GSG1L: variants seen among roughly 807,000 people sequenced by gnomAD.
GSG1L encodes the protein GSG1 like.
GSG1L carries 24 observed loss-of-function variants against 42.1 expected under a neutral mutation model. The ratio of observed to expected loss-of-function variants is 0.57; its 90% CI spans 0.41 to 0.80. GSG1L has a LOEUF of 0.80. Among genes scored for constraint, GSG1L ranks in the 30% least tolerant of loss-of-function variants. GSG1L has a pLI of 0.00. For synonymous variants in GSG1L, 215 were observed against 203.5 expected, an observed-to-expected ratio of 1.06 and a Z score of -0.48; for missense variants, 445 against 472.2, an observed-to-expected ratio of 0.94 and a Z score of 0.53.
intron 1 of GSG1L, among the ~76,000 whole-genome samples, chr16:27,985,252 G>A (rs118144310): frequency 1.3e-5 from 2 of 152,264 alleles, no homozygotes; most frequent in Non-Finnish European, 2.9e-5. Flanking sequence ...GGTGGGGATT[G>A]ATGGCAGGTG....
intron 1 of GSG1L, among the ~76,000 whole-genome samples, chr16:28,042,889 G>T (rs1466059931): frequency 6.6e-6 from 1 of 152,176 alleles, no homozygotes; most frequent in African/African-American, 2.4e-5. Flanking sequence ...AGGAAGGCAG[G>T]CTAGGTGAAG....
intron 2 of GSG1L, among the ~76,000 whole-genome samples, chr16:27,955,745 G>T (rs2084994242): frequency 6.6e-6 from 1 of 152,104 alleles, no homozygotes; most frequent in Non-Finnish European, 1.5e-5. Flanking sequence ...GACTACCTGG[G>T]ATCCAGGAAG....
At position 28,019,791 on chromosome 16, in the gene GSG1L, C is replaced by G. The variant is rs1271781931; in HGVS notation, c.349+43285G>C. On this transcript the variant is annotated intron_variant, in intron 1 of 6. Coordinates refer to ENST00000447459, the MANE Select transcript of GSG1L (RefSeq NM_001109763.2). Reference sequence around the variant, plus strand: ...TAGGCCACGCTAGACCACAGTCTTGCAGACAATGACTTGCTGGCACTTCTA... The same window carrying G: ...TAGGCCACGCTAGACCACAGTCTTGGAGACAATGACTTGCTGGCACTTCTA... 2.0e-5 allele frequency among the ~76,000 whole-genome samples: 3 copies of G among 152,208 alleles called. No homozygotes were observed. The East Asian group carries it at 5.8e-4, about 29-fold the overall frequency.
rs962127482 is a variant in GSG1L at position 27,918,637 on chromosome 16, C to T, written c.398-33999G>A. Among the ~76,000 whole-genome samples, 15 of 144,442 alleles carry T rather than the reference C, an allele frequency of 1.0e-4. No individual in the cohort carries two copies. In the East Asian group the frequency reaches 2.0e-3, roughly 20 times the overall value. 94.8% of individuals were successfully genotyped at this position (144,442 alleles called of 152,430 possible). ...TCATGCCATTGCACTCCAGCCTGGG[C>T]GACAGAGCAAGACTCCATCTCAAAA... On this transcript the variant is annotated intron_variant, in intron 2 of 6. Coordinates refer to ENST00000447459, the MANE Select transcript of GSG1L (RefSeq NM_001109763.2).
At chr16:27,894,026 T>C (rs1167054879) in intron 2 of GSG1L, among the ~76,000 whole-genome samples, 1 of 152,250 alleles carries the variant, frequency 6.6e-6, no homozygotes, top group Non-Finnish European at 1.5e-5. Flanking sequence ...GTGCAGGGAT[T>C]ATGGGCATGA....
chr16:27,809,747 A>C (rs758321720), intron 5 of GSG1L, among the ~76,000 whole-genome samples: 31 of 151,668 alleles, frequency 2.0e-4, no homozygotes, highest in Non-Finnish European at 3.7e-4. Flanking sequence ...ACTTCCCCTA[A>C]ACTCTCTTCA....
intron 2 of GSG1L, among the ~76,000 whole-genome samples, chr16:27,936,962 G>A (rs1245148480): frequency 7.2e-5 from 11 of 152,194 alleles, no homozygotes; most frequent in Non-Finnish European, 1.3e-4. Flanking sequence ...CATAACAGAA[G>A]AGCTCTTTTC....
At chr16:27,848,347 C>T (rs1008624279) in intron 3 of GSG1L, among the ~76,000 whole-genome samples, 1 of 152,086 alleles carries the variant, frequency 6.6e-6, no homozygotes, top group Non-Finnish European at 1.5e-5. Context: ...TTGAGAGGTG[C>T]TTGGGGATGT....
At chr16:27,853,008 G>C (rs1596557074) in intron 3 of GSG1L, among the ~76,000 whole-genome samples, 1 of 152,154 alleles carries the variant, frequency 6.6e-6, no homozygotes, top group East Asian at 1.9e-4. Flanking sequence ...AGGGACTGGG[G>C]GAAACTAGGA....
At chr16:27,964,990 C>G (rs2085113778) in intron 1 of GSG1L, among the ~76,000 whole-genome samples, 1 of 152,080 alleles carries the variant, frequency 6.6e-6, no homozygotes, top group Non-Finnish European at 1.5e-5. Context: ...TATACACCTA[C>G]TATGTACCCA....
At chr16:27,862,619 G>A (rs1177242145) in intron 3 of GSG1L, among the ~76,000 whole-genome samples, 1 of 152,204 alleles carries the variant, frequency 6.6e-6, no homozygotes, top group East Asian at 1.9e-4. Context: ...AGGCAAAATG[G>A]CTCTGGGGCT....
chr16:27,956,153 G>A (rs1365208495), intron 2 of GSG1L, among the ~76,000 whole-genome samples: 7 of 152,186 alleles, frequency 4.6e-5, no homozygotes, highest in African/African-American at 1.7e-4. Flanking sequence ...GGTTAATCTG[G>A]AAGGTTTCAT....
At chr16:28,046,339 CTCT>C (rs2086157627) in intron 1 of GSG1L, among the ~76,000 whole-genome samples, 1 of 122,290 alleles carries the variant, frequency 8.2e-6, no homozygotes, top group African/African-American at 3.1e-5. Context: ...AGGAAGTCCA[CTCT>C]TTTTTTTTTT....
rs374070130 is a variant in GSG1L, at chr16:27,847,064, G to A, written c.551-2003C>T. Among the ~76,000 whole-genome samples, 14 of 152,178 alleles carry A rather than the reference G, an allele frequency of 9.2e-5. No individual in the cohort carries two copies. The East Asian group carries it at 2.5e-3, about 27-fold the overall frequency. ...TCTGTCCTACAAATCCTTGTCAGAA[G>A]GAATCATTTCCAACTCATCTGAATT... On this transcript the variant is annotated intron_variant, in intron 3 of 6. Coordinates refer to ENST00000447459, the MANE Select transcript of GSG1L (RefSeq NM_001109763.2).
In GSG1L at chr16:28,040,565, CA is replaced by C. The variant is rs942513360; in HGVS notation, c.349+22510del. 6.6e-6 allele frequency among the ~76,000 whole-genome samples: 1 copy of C among 152,128 alleles called. No homozygotes were observed. ...TGGTGCCTGGCATACAGTATGCACT[CA>C]AAAAAAGTCTAATAAATGAACGAAT... On this transcript the variant is annotated intron_variant, in intron 1 of 6. Coordinates refer to ENST00000447459, the MANE Select transcript of GSG1L (RefSeq NM_001109763.2). The surrounding 1 kb of genome is among the most constrained non-coding windows in gnomAD (Gnocchi z 4.1).
intron 1 of GSG1L, among the ~76,000 whole-genome samples, chr16:28,044,401 T>C (rs205395): frequency 0.44 from 66,533 of 152,098 alleles, 15,828 homozygotes; most frequent in East Asian, 0.69. Flanking sequence ...AAAAATTGTG[T>C]TCCTTGGTAG....
chr16:27,962,324 G>T (rs1178601975), intron 2 of GSG1L, among the ~76,000 whole-genome samples: 1 of 152,206 alleles, frequency 6.6e-6, no homozygotes, highest in Non-Finnish European at 1.5e-5. Context: ...GGTGTTGTGG[G>T]ATAACTTCTG....
intron 1 of GSG1L, among the ~76,000 whole-genome samples, chr16:28,062,118 G>T (rs756988): frequency 6.6e-6 from 1 of 151,464 alleles, no homozygotes; most frequent in Non-Finnish European, 1.5e-5. Flanking sequence ...ACTCAGGAGG[G>T]TGTCCATGCC....
chr16:27,914,751 G>A (rs940140925), intron 2 of GSG1L, among the ~76,000 whole-genome samples: 3 of 152,026 alleles, frequency 2.0e-5, no homozygotes, highest in African/African-American at 7.3e-5. Flanking sequence ...TTGCATTCCC[G>A]ATGCTAGAGC....
Sources: gnomAD v4.1 joint callset for allele counts (sites outside exome capture counted in the v4.1 genomes callset) on GRCh38, gnomAD v4.1.1 for gene constraint, Gnocchi (gnomAD v3.1) non-coding constraint, MANE v1.5 for transcripts, NCBI Gene and HGNC (gene_info 2026-07-23, HGNC 2026-07-21) for gene names.